The following WNK2 variants were observed in gnomAD, a reference collection of about 807,000 sequenced individuals.
WNK2 encodes the protein WNK lysine deficient protein kinase 2.
In WNK2, 67 loss-of-function variants were observed where a neutral mutation model predicts 192.1. The ratio of observed to expected loss-of-function variants is 0.35; its 90% CI spans 0.29 to 0.43. WNK2 has a LOEUF of 0.43. Ranked by LOEUF, WNK2 falls within the 20% of genes least tolerant of loss-of-function variation. The pLI is 1.00. For synonymous variants in WNK2, 1,439 were observed against 1,393.9 expected (o/e 1.03, Z -0.72); for missense variants, 2,698 against 3,089.7 (o/e 0.87, Z 3.01).
intron 2 of WNK2, among the ~76,000 whole-genome samples, chr9:93,212,806 G>A (rs1413643342): frequency 1.3e-5 from 2 of 152,198 alleles, no homozygotes; most frequent in Non-Finnish European, 2.9e-5. Flanking sequence ...AGAGGAAGGT[G>A]TGGAGGAAGG....
rs1468084475 is a variant in WNK2 at position 93,257,132 on chromosome 9, C to T, written c.2375C>T (p.Pro792Leu). The change falls in exon 11 of 30, where the codon CCT becomes CTT. Residue 792 changes from proline (P) to leucine (L), a missense_variant. Pro to Leu is a moderately conservative substitution (Grantham distance 98, BLOSUM62 -3). Transcript: ENST00000427277. The surrounding 1 kb of genome is among the most constrained non-coding windows in gnomAD (Gnocchi z 4.7). Reference sequence around the variant, plus strand: ...CCCCTGCAGCCGCTTGCTCAAGTCCCTCCGCAGGTAATTCTAGGTTGATGG... The same window carrying T: ...CCCCTGCAGCCGCTTGCTCAAGTCCTTCCGCAGGTAATTCTAGGTTGATGG... ...QAPLQPLAQV[P>L]PQMPPIPVVP... The T allele has an allele frequency of 6.2e-7, 1 of 1,607,790 alleles. No homozygotes were observed.
At chr9:93,318,739 G>A in intron 29 of WNK2, 1 of 1,430,266 alleles carries the variant, frequency 7.0e-7, no homozygotes. Flanking sequence ...CTCCCGTCCA[G>A]CCCTAAGCCT....
intron 9 of WNK2, among the ~76,000 whole-genome samples, chr9:93,254,000 T>C (rs1047710236): frequency 6.6e-6 from 1 of 152,146 alleles, no homozygotes; most frequent in Non-Finnish European, 1.5e-5. Context: ...CACTGTAACC[T>C]CTGCCTCCTG....
rs747270099 is a variant in WNK2 at position 93,238,227 on chromosome 9, T to C, written c.1234-6T>C. On this transcript the variant is annotated splice_polypyrimidine_tract_variant and splice_region_variant and intron_variant, in intron 5 of 29. Coordinates refer to ENST00000427277, the MANE Select transcript of WNK2 (RefSeq NM_006648.4). ...GGGTCAGGTAACTCTGCTCTCTCCCTGTCAGGGTATCAAGCCGGCCAGCTT... is the reference window on the plus strand; with the variant it reads ...GGGTCAGGTAACTCTGCTCTCTCCCCGTCAGGGTATCAAGCCGGCCAGCTT... 6 of 1,613,854 alleles carry C rather than the reference T, an allele frequency of 3.7e-6. No homozygotes were observed. Among genetic ancestry groups the C allele is most frequent in the East Asian group, 2.2e-5 (1 of 44,890 alleles).
At chr9:93,206,637 C>T (rs1833444445) in intron 2 of WNK2, among the ~76,000 whole-genome samples, 1 of 152,186 alleles carries the variant, frequency 6.6e-6, no homozygotes, top group Non-Finnish European at 1.5e-5. Context: ...CAGCACCGGG[C>T]AGACGTGTGC....
rs1843548425 is a variant in WNK2, at chr9:93,257,777, A to G, written c.2382+638A>G. On this transcript the variant is annotated intron_variant, in intron 11 of 29. Transcript: ENST00000427277. The surrounding 1 kb of genome is among the most constrained non-coding windows in gnomAD (Gnocchi z 4.7). ...CCAGCCAGCAAGGCTCGACTCACAC[A>G]GCTGAAGTGACTTCTGCTGTCTTTC... is the stretch of plus-strand genomic sequence containing the variant. Among the ~76,000 whole-genome samples, 1 of 152,216 alleles carries G rather than the reference A, an allele frequency of 6.6e-6. No homozygotes were observed. The highest frequency in any genetic ancestry group is 1.9e-4 in the East Asian group (1 of 5,186).
At chr9:93,318,647 C>G in intron 29 of WNK2, 1 of 1,555,816 alleles carries the variant, frequency 6.4e-7, no homozygotes, top group Non-Finnish European at 8.7e-7. Flanking sequence ...AGAGGCTGCC[C>G]TCTCTCCTGC....
At chr9:93,306,046 C>T (rs16909016) in intron 26 of WNK2, among the ~76,000 whole-genome samples, 4,775 of 152,232 alleles carry the variant, frequency 0.031, 118 homozygotes, top group South Asian at 0.082. Context: ...CAGTGTATAC[C>T]AGGTGCCCTC....
rs533176612 is a variant in WNK2, at chr9:93,292,968, G to A, written c.5503G>A (p.Asp1835Asn). ...GCCCGTGAGTGGCAGCGTGGCTGGC[G>A]ACTTCGTGAAGAAGGCCACCGCCTT... ...SLPVSGSVAGDFVKKATAFLQ... is the reference protein window; with the variant it reads ...SLPVSGSVAGNFVKKATAFLQ... The change falls in exon 23 of 30, where the codon GAC (aspartate) becomes AAC (asparagine). Residue 1835 changes from aspartate (D) to asparagine (N), a missense_variant. Asp to Asn is a conservative substitution (Grantham distance 23). Around this residue, in one of 7 missense-constraint regions of WNK2, gnomAD observed 1,098 missense variants for 1,101.0 expected, o/e 1.00. Transcript: ENST00000427277. The A allele has an allele frequency of 4.5e-6, 7 of 1,540,372 alleles. No homozygotes were observed. The East Asian group carries it at 6.8e-5, about 15-fold the overall frequency.
intron 28 of WNK2, among the ~76,000 whole-genome samples, chr9:93,309,574 C>G (rs912592627): frequency 6.6e-6 from 1 of 152,170 alleles, no homozygotes; most frequent in Non-Finnish European, 1.5e-5. Flanking sequence ...TGATTTCATT[C>G]CTGATGTTGG....
chr9:93,252,674 A>G (rs192535310), intron 8 of WNK2, among the ~76,000 whole-genome samples: 5 of 152,356 alleles, frequency 3.3e-5, no homozygotes, highest in African/African-American at 1.2e-4. Flanking sequence ...CATGCTGGCC[A>G]GACATGGGCA....
chr9:93,188,450 C>T (rs1471983579), intron 2 of WNK2, among the ~76,000 whole-genome samples: 3 of 152,228 alleles, frequency 2.0e-5, no homozygotes, highest in African/African-American at 4.8e-5. Context: ...AGGTGTTTCA[C>T]CTTCTGAATT....
At position 93,262,024 on chromosome 9, in the gene WNK2, C is replaced by A; in HGVS notation, c.3277C>A (p.Pro1093Thr). ...CACCCAGACTGCCACACTTCTGCCACCAGCAAACCCACCGCTGCCTGGCGG... is the reference window on the plus strand; with the variant it reads ...CACCCAGACTGCCACACTTCTGCCAACAGCAAACCCACCGCTGCCTGGCGG... ...VPTQTATLLP[P>T]ANPPLPGGPG... The change falls in exon 13 of 30, where the codon CCA (proline) becomes ACA (threonine). Residue 1093 changes from proline (P) to threonine (T), a missense_variant. Around this residue, in one of 7 missense-constraint regions of WNK2, gnomAD observed 893 missense variants for 909.0 expected, o/e 0.98. Coordinates refer to ENST00000427277, the MANE Select transcript of WNK2 (RefSeq NM_006648.4). The A allele has an allele frequency of 6.2e-7, 1 of 1,611,480 alleles. No individual in the cohort carries two copies. Among genetic ancestry groups the A allele is most frequent in the Non-Finnish European group, 8.5e-7 (1 of 1,179,046 alleles).
chr9:93,297,845 T>C lies in WNK2; in HGVS notation c.5709-8T>C. On this transcript the variant is annotated splice_polypyrimidine_tract_variant and splice_region_variant and intron_variant, in intron 23 of 29. Coordinates refer to ENST00000427277, the MANE Select transcript of WNK2 (RefSeq NM_006648.4). ...CCCATCGGCGCTCCCTCCTGTCCCCTCCTGCAGGCACCTGAAGGAGATCTC... is the reference window on the plus strand; with the variant it reads ...CCCATCGGCGCTCCCTCCTGTCCCCCCCTGCAGGCACCTGAAGGAGATCTC... 1.3e-6 allele frequency: 2 copies of C among 1,569,584 alleles called. No homozygotes were observed. Among genetic ancestry groups the C allele is most frequent in the Non-Finnish European group, 1.7e-6 (2 of 1,158,992 alleles).
In WNK2 at chr9:93,239,901, G is replaced by A. The variant is rs746923729; in HGVS notation, c.1467G>A (p.Lys489=). ...AAGACCCCAAGAAACTGAAGGGAAA[G>A]CCCAAGGACAATGGAGCCATAGAGT... ...WVEDPKKLKG[K]PKDNGAIEFT... is the part of the protein sequence containing the mutation. Residue 489 remains lysine, a synonymous_variant, in exon 7 of 30, where the codon AAG becomes AAA. Transcript: ENST00000427277. The surrounding 1 kb of genome is among the most constrained non-coding windows in gnomAD (Gnocchi z 4.2). 1 of 1,611,624 alleles carries A rather than the reference G, an allele frequency of 6.2e-7. No individual in the cohort carries two copies. Among genetic ancestry groups the A allele is most frequent in the African/African-American group, 1.3e-5 (1 of 75,012 alleles).
intron 2 of WNK2, among the ~76,000 whole-genome samples, chr9:93,190,933 T>C (rs1830228839): frequency 6.6e-6 from 1 of 152,032 alleles, no homozygotes; most frequent in South Asian, 2.1e-4. Context: ...ATGGGGACAG[T>C]CTATAGACCA....
intron 29 of WNK2, chr9:93,319,405 C>T (rs1855240886): frequency 1.0e-6 from 1 of 985,414 alleles, no homozygotes; most frequent in Non-Finnish European, 1.2e-6. Context: ...TCTGGCAGGG[C>T]TGCCTGGCCC....
At chr9:93,281,711 C>T in intron 19 of WNK2, among the ~76,000 whole-genome samples, 1 of 152,120 alleles carries the variant, frequency 6.6e-6, no homozygotes. Flanking sequence ...TCTGCACTTA[C>T]ATATATCATA....
At chr9:93,232,444 A>G (rs1397699375) in intron 4 of WNK2, among the ~76,000 whole-genome samples, 1 of 152,194 alleles carries the variant, frequency 6.6e-6, no homozygotes, top group African/African-American at 2.4e-5. Context: ...TGGAGAGCCC[A>G]TGCCCAGGGC....
Sources: gnomAD v4.1 joint callset for allele counts (sites outside exome capture counted in the v4.1 genomes callset) on GRCh38, gnomAD v4.1.1 for gene constraint, gnomAD v4.1.1 regional missense constraint, Gnocchi (gnomAD v3.1) non-coding constraint, MANE v1.5 for transcripts, NCBI Gene and HGNC (gene_info 2026-07-23, HGNC 2026-07-21) for gene names.